PXK: variants seen among roughly 807,000 people sequenced by gnomAD.
PXK encodes PX domain-containing protein kinase-like protein.
In PXK, 35 loss-of-function variants were observed where a neutral mutation model predicts 84.7. The ratio of observed to expected loss-of-function variants is 0.41; its 90% CI spans 0.32 to 0.55. The LOEUF is 0.55. PXK is among the 20% of genes least tolerant of loss of function. PXK has a pLI of 0.21. For missense variants in PXK, 634 were observed against 699.7 expected (o/e 0.91, Z 1.06); for synonymous variants, 253 against 260.8 (o/e 0.97, Z 0.29).
intron 1 of PXK, among the ~76,000 whole-genome samples, chr3:58,341,210 T>C (rs1308305968): frequency 6.6e-6 from 1 of 152,176 alleles, no homozygotes; most frequent in East Asian, 1.9e-4. Flanking sequence ...AGTCTTCAGC[T>C]CACCTTGCTG....
At chr3:58,419,936 C>T (rs947019198) in intron 17 of PXK, among the ~76,000 whole-genome samples, 1 of 152,210 alleles carries the variant, frequency 6.6e-6, no homozygotes, top group Non-Finnish European at 1.5e-5. Context: ...CCCAATTCAG[C>T]CTCTAGGGAG....
At position 58,361,455 on chromosome 3, in the gene PXK, T is replaced by C. The variant is rs1416283967; in HGVS notation, c.103-4419T>C. ...AGAACACTTCCATTATTGCGAGCAT[T>C]CCTCACTTTGCCCTTCTGTAGCTAC... On this transcript the variant is annotated intron_variant, in intron 1 of 17. Coordinates refer to ENST00000356151, the MANE Select transcript of PXK (RefSeq NM_017771.5). 3.3e-5 allele frequency among the ~76,000 whole-genome samples: 5 copies of C among 152,110 alleles called. No homozygotes were observed. The East Asian group carries it at 9.6e-4, about 29-fold the overall frequency.
In PXK at chr3:58,365,928, A is replaced by C; in HGVS notation, c.153+4A>C. The C allele has an allele frequency of 6.5e-7, 1 of 1,546,508 alleles. No individual in the cohort carries two copies. The highest frequency in any genetic ancestry group is 8.7e-7 in the Non-Finnish European group (1 of 1,154,928). On this transcript the variant is annotated splice_donor_region_variant and intron_variant, in intron 2 of 17. Coordinates refer to ENST00000356151, the MANE Select transcript of PXK (RefSeq NM_017771.5). ...TTCTGTGGAAAACAGCTGGCAGGTA[A>C]GCATCTTTTTTTTTTTTTTTGTCAA... is the stretch of plus-strand genomic sequence containing the variant.
At chr3:58,393,964 A>G (rs2098656650) in intron 7 of PXK, among the ~76,000 whole-genome samples, 1 of 152,208 alleles carries the variant, frequency 6.6e-6, no homozygotes, top group African/African-American at 2.4e-5. Flanking sequence ...AAAATGTTCT[A>G]TAATTAGATT....
intron 1 of PXK, among the ~76,000 whole-genome samples, chr3:58,355,618 C>G (rs530691668): frequency 1.3e-5 from 2 of 152,274 alleles, no homozygotes; most frequent in East Asian, 3.9e-4. Context: ...TCCCACATAC[C>G]CTTTCAGAAA....
rs567082897 is a variant in PXK at position 58,395,881 on chromosome 3, G to T, written c.822+122G>T. 60 of 715,610 alleles carry T rather than the reference G, an allele frequency of 8.4e-5. No individual in the cohort carries two copies. In the South Asian group the frequency reaches 1.2e-3, roughly 14 times the overall value. The allele number at this position is 715,610 out of a possible 1,614,324, so 44.3% of individuals were successfully genotyped here. Reference sequence around the variant, plus strand: ...TTGTCTGATTACTTATAAACTGATTGCATTGTCATATTTTGCCTCAAAAAG... The same window carrying T: ...TTGTCTGATTACTTATAAACTGATTTCATTGTCATATTTTGCCTCAAAAAG... On this transcript the variant is annotated intron_variant, in intron 9 of 17. Transcript: ENST00000356151.
Position 58,397,537 on chromosome 3 carries a change from G to A in PXK, c.985-68G>A. 1 of 1,308,330 alleles carries A rather than the reference G, an allele frequency of 7.6e-7. No individual in the cohort carries two copies. The highest frequency in any genetic ancestry group is 1.1e-6 in the Non-Finnish European group (1 of 903,270). The allele number at this position is 1,308,330 out of a possible 1,614,324, so 81.0% of individuals were successfully genotyped here. Reference sequence around the variant, plus strand: ...GGCTTTGTTTCTCAGAGAAGCCTTGGGGCAGGAGCGCGAGGGTCCACAAAG... The same window carrying A: ...GGCTTTGTTTCTCAGAGAAGCCTTGAGGCAGGAGCGCGAGGGTCCACAAAG... On this transcript the variant is annotated intron_variant, in intron 10 of 17. Transcript: ENST00000356151. The surrounding 1 kb of genome is among the most constrained non-coding windows in gnomAD (Gnocchi z 4.7).
intron 1 of PXK, among the ~76,000 whole-genome samples, chr3:58,356,806 G>T (rs1484283622): frequency 2.6e-5 from 4 of 151,178 alleles, no homozygotes; most frequent in Non-Finnish European, 5.9e-5. Flanking sequence ...GTTTCACTAT[G>T]TTGGCCAGGC....
At chr3:58,403,568 T>C (rs150712635) in intron 12 of PXK, among the ~76,000 whole-genome samples, 143 of 152,348 alleles carry the variant, frequency 9.4e-4, no homozygotes, top group African/African-American at 3.4e-3. Flanking sequence ...CAAATTAGCA[T>C]TCGCAAAAGT....
At chr3:58,351,485 T>G (rs536061812) in intron 1 of PXK, among the ~76,000 whole-genome samples, 1 of 151,974 alleles carries the variant, frequency 6.6e-6, no homozygotes, top group Admixed American at 6.6e-5. Flanking sequence ...GGTCTTGAAC[T>G]CCTGGGCTCA....
chr3:58,336,071 A>ATATATATATATT (rs1284780630), intron 1 of PXK, among the ~76,000 whole-genome samples: 50 of 51,560 alleles, frequency 9.7e-4, no homozygotes, highest in Non-Finnish European at 1.2e-3. Context: ...ATATATATAT[A>ATATATATATATT]TTTTTTTTTT....
At position 58,370,058 on chromosome 3, in the gene PXK, C is replaced by T. The variant is rs147135286; in HGVS notation, c.201+580C>T. On this transcript the variant is annotated intron_variant, in intron 3 of 17. Transcript: ENST00000356151. This position sits in a 1 kb window ranked among gnomAD's most constrained non-coding sequence, Gnocchi z 4.2. ...CAGTCATAGGAGGCTGACGTAATAT[C>T]TCCTTTTAACAGATGTGGAATGATT... Among the ~76,000 whole-genome samples the T allele has an allele frequency of 2.7e-3, 407 of 152,238 alleles. 1 individual carries two copies. Among genetic ancestry groups the T allele is most frequent in the Admixed American group, 3.7e-3 (57 of 15,290 alleles).
intron 1 of PXK, among the ~76,000 whole-genome samples, chr3:58,360,756 C>T (rs761796682): frequency 2.8e-4 from 42 of 151,164 alleles, no homozygotes; most frequent in Non-Finnish European, 1.2e-4. Context: ...TGCTTGAACC[C>T]GGGAGGTGGA....
At position 58,378,492 on chromosome 3, in the gene PXK, C is replaced by CTTCTTTTTTT. The variant is rs1451583616; in HGVS notation, c.202-4020_202-4019insCTTTTTTTTT. 1.6e-4 allele frequency among the ~76,000 whole-genome samples: 4 copies of CTTCTTTTTTT among 24,316 alleles called. 2 individuals carry two copies. The highest frequency in any genetic ancestry group is 5.6e-4 in the African/African-American group (4 of 7,142). The allele number at this position is 24,316 out of a possible 152,430, so 16.0% of individuals were successfully genotyped here. On this transcript the variant is annotated intron_variant, in intron 3 of 17. Coordinates refer to ENST00000356151, the MANE Select transcript of PXK (RefSeq NM_017771.5). ...ATTGGATTTGGACTTCATTTTTCTT[C>CTTCTTTTTTT]TTTTTTTTTTTTTTTTTTTTTGTGT...
At chr3:58,403,508 A>G (rs4367085) in intron 12 of PXK, among the ~76,000 whole-genome samples, 11,106 of 152,216 alleles carry the variant, frequency 0.073, 523 homozygotes, top group South Asian at 0.1. Flanking sequence ...ATAGCAGAAA[A>G]CTATTCTATT....
At chr3:58,336,071 A>ATTTTTTTTTTTT (rs1171021563) in intron 1 of PXK, among the ~76,000 whole-genome samples, 1 of 51,572 alleles carries the variant, frequency 1.9e-5, no homozygotes, top group African/African-American at 1.0e-4. Context: ...ATATATATAT[A>ATTTTTTTTTTTT]TTTTTTTTTT....
intron 3 of PXK, among the ~76,000 whole-genome samples, chr3:58,374,452 G>T (rs2098420718): frequency 6.6e-6 from 1 of 152,176 alleles, no homozygotes; most frequent in Non-Finnish European, 1.5e-5. Flanking sequence ...GGGACTACAG[G>T]TGTGAGCCAC....
intron 4 of PXK, among the ~76,000 whole-genome samples, chr3:58,384,635 A>G (rs577832053): frequency 4.6e-5 from 7 of 152,288 alleles, no homozygotes; most frequent in Middle Eastern, 3.4e-3. Flanking sequence ...ACAGCAGGCC[A>G]TCTGGACTGA....
chr3:58,347,686 T>A (rs1190893115), intron 1 of PXK, among the ~76,000 whole-genome samples: 1 of 152,220 alleles, frequency 6.6e-6, no homozygotes, highest in Non-Finnish European at 1.5e-5. Context: ...CCATGAATAT[T>A]TGGGTAAAGT....
Sources: gnomAD v4.1 joint callset for allele counts (sites outside exome capture counted in the v4.1 genomes callset) on GRCh38, gnomAD v4.1.1 for gene constraint, Gnocchi (gnomAD v3.1) non-coding constraint, MANE v1.5 for transcripts, NCBI Gene and HGNC (gene_info 2026-07-23, HGNC 2026-07-21) for gene names.